Variants in ADAP1 observed in about 807,000 individuals in gnomAD.
The protein encoded by ADAP1 is ArfGAP with dual PH domains 1.
ADAP1 carries 31 observed loss-of-function variants against 54.9 expected under a neutral mutation model. That is an observed-to-expected ratio of 0.56 (90% confidence interval 0.42 to 0.76). The LOEUF is 0.76. ADAP1 is among the 30% of genes least tolerant of loss of function. The pLI, the probability that ADAP1 is intolerant of heterozygous loss-of-function variation, is 0.00. For synonymous variants in ADAP1, 313 were observed against 202.6 expected (o/e 1.55, Z -4.63); for missense variants, 535 against 512.4 (o/e 1.04, Z -0.42).
intron 2 of ADAP1, among the ~76,000 whole-genome samples, chr7:934,506 T>C (rs1005935561): frequency 2.6e-5 from 4 of 152,048 alleles, no homozygotes; most frequent in African/African-American, 4.8e-5. Context: ...CTCACCTCCA[T>C]GCGGCCCTTC....
chr7:927,824 C>T (rs1846438621), intron 2 of ADAP1, among the ~76,000 whole-genome samples: 1 of 152,030 alleles, frequency 6.6e-6, no homozygotes, highest in African/African-American at 2.4e-5. Context: ...AAAATGTCTC[C>T]TTATGGGAGT....
At position 898,874 on chromosome 7, in the gene ADAP1, G is replaced by A. The variant is rs200923231; in HGVS notation, c.*47C>T. ...GCCCCCCCATCCACGGGTCCCCTCC[G>A]TCCAGCCACAGTGAGTCCAATGTCC... On this transcript the variant is annotated 3_prime_UTR_variant, in exon 11 of 11. Transcript: ENST00000265846. 279 of 1,568,734 alleles carry A rather than the reference G, an allele frequency of 1.8e-4. No individual in the cohort carries two copies. In the East Asian group the frequency reaches 2.6e-3, roughly 15 times the overall value.
chr7:954,178 C>A (rs1308601568), intron 1 of ADAP1, among the ~76,000 whole-genome samples: 1 of 151,576 alleles, frequency 6.6e-6, no homozygotes, highest in Admixed American at 6.6e-5. Flanking sequence ...TGGGGGGGGC[C>A]CCCCCGCTGC....
In ADAP1 at chr7:905,146, G is replaced by A. The variant is rs760068363; in HGVS notation, c.415C>T (p.Arg139Cys). The stretch of plus-strand genomic sequence containing the variant: ...AAAAACTGCCCGTTGTCCCGGCCAC[G>A]CTTCCAGAGAAAACCCTCACGGTAC... ...AGYREGFLWK[R>C]GRDNGQFLSR... Residue 139 changes from arginine (R) to cysteine (C), a missense_variant, in exon 5 of 11, where the codon CGT becomes TGT. Arg to Cys is a radical substitution (Grantham distance 180). Transcript: ENST00000265846. 2.5e-5 allele frequency: 40 copies of A among 1,612,066 alleles called. No individual in the cohort carries two copies. The highest frequency in any genetic ancestry group is 3.0e-5 in the Non-Finnish European group (35 of 1,179,908).
rs1375032463 is a variant in ADAP1, at chr7:898,689, G to A, written c.*232C>T. 1.0e-5 allele frequency: 6 copies of A among 600,914 alleles called. No individual in the cohort carries two copies. The East Asian group carries it at 1.1e-4, about 11-fold the overall frequency. 37.2% of individuals were successfully genotyped at this position (600,914 alleles called of 1,614,324 possible). A position where few individuals can be genotyped will look rare whatever the true frequency, so the allele number is the denominator to read the frequency against. ...GGGAGGGGCAGGTTGGCTGGGTGTG[G>A]TCAGCAGCAGCATGACGGGGTTAGA... On this transcript the variant is annotated 3_prime_UTR_variant, in exon 11 of 11. Transcript: ENST00000265846.
At chr7:944,183 C>G (rs913066999) in intron 1 of ADAP1, among the ~76,000 whole-genome samples, 7 of 152,030 alleles carry the variant, frequency 4.6e-5, no homozygotes, top group Admixed American at 2.6e-4. Flanking sequence ...TCCCAAAGTG[C>G]TGGGATTACA....
chr7:904,943 CGGGG>C lies in ADAP1; in HGVS notation c.501+113_501+116del, dbSNP rs151134913. Reference sequence around the variant, plus strand: ...GCCGGTTCTCCTGGAGCGTCCCCATCGGGGGGGGCAGCAGGGAGGGCAGCTGCGG... The same window carrying C: ...GCCGGTTCTCCTGGAGCGTCCCCATCGGGGCAGCAGGGAGGGCAGCTGCGG... On this transcript the variant is annotated intron_variant, in intron 5 of 10. Coordinates refer to ENST00000265846, the MANE Select transcript of ADAP1 (RefSeq NM_006869.4). The C allele has an allele frequency of 5.6e-5, 48 of 854,110 alleles. 1 individual carries two copies. The highest frequency in any genetic ancestry group is 3.5e-4 in the South Asian group (23 of 66,242). 52.9% of individuals were successfully genotyped at this position (854,110 alleles called of 1,614,324 possible). A position where few individuals can be genotyped will look rare whatever the true frequency, so the allele number is the denominator to read the frequency against.
At chr7:951,773 G>A (rs969546007) in intron 1 of ADAP1, among the ~76,000 whole-genome samples, 4 of 152,152 alleles carry the variant, frequency 2.6e-5, no homozygotes, top group East Asian at 1.9e-4. Context: ...CAGTCCTTCC[G>A]GGGCATCAGA....
At chr7:907,474 C>T (rs1048958024) in intron 4 of ADAP1, among the ~76,000 whole-genome samples, 4 of 152,274 alleles carry the variant, frequency 2.6e-5, no homozygotes, top group African/African-American at 9.6e-5. Context: ...CGTCCTGGAG[C>T]TCTGCCAGAG....
Position 900,621 on chromosome 7 carries a change from G to GGGCAGAGGCA in ADAP1, c.649-6_649-5insTGCCTCTGCC. Reference sequence around the variant, plus strand: ...ATTGAACCAGTCCACAATCTCCTAGGGGCAAAGGTGGGCACAGGCTTGGGC... The same window carrying GGGCAGAGGCA: ...ATTGAACCAGTCCACAATCTCCTAGGGGCAGAGGCAGGCAAAGGTGGGCACAGGCTTGGGC... On this transcript the variant is annotated splice_polypyrimidine_tract_variant and splice_region_variant and intron_variant, in intron 6 of 10. Coordinates refer to ENST00000265846, the MANE Select transcript of ADAP1 (RefSeq NM_006869.4). The GGGCAGAGGCA allele has an allele frequency of 6.3e-7, 1 of 1,587,220 alleles. No homozygotes were observed. Among genetic ancestry groups the GGGCAGAGGCA allele is most frequent in the Non-Finnish European group, 8.5e-7 (1 of 1,170,936 alleles).
Position 927,121 on chromosome 7 carries a change from C to T in ADAP1, c.214-477G>A, listed in dbSNP as rs1260871538. On this transcript the variant is annotated intron_variant, in intron 2 of 10. Coordinates refer to ENST00000265846, the MANE Select transcript of ADAP1 (RefSeq NM_006869.4). ...GAGATGGGCTGGTGAGCGAGAGACC[C>T]AGATGTGGCTAGGACAGAGTCTCTG... 2.3e-6 allele frequency: 3 copies of T among 1,303,978 alleles called. No individual in the cohort carries two copies. In the Admixed American group the frequency reaches 6.9e-5, roughly 30 times the overall value. The allele number at this position is 1,303,978 out of a possible 1,614,324, so 80.8% of individuals were successfully genotyped here.
rs995385719 is a variant in ADAP1, at chr7:952,693, G to C, written c.82+1703C>G. Reference sequence around the variant, plus strand: ...GCAAGGCATCAGTCTCCCTGGCTGTGAAATGAGAGTGACCCCTCACAGCAT... The same window carrying C: ...GCAAGGCATCAGTCTCCCTGGCTGTCAAATGAGAGTGACCCCTCACAGCAT... On this transcript the variant is annotated intron_variant, in intron 1 of 10. Coordinates refer to ENST00000265846, the MANE Select transcript of ADAP1 (RefSeq NM_006869.4). 1.3e-4 allele frequency among the ~76,000 whole-genome samples: 20 copies of C among 152,174 alleles called. 1 individual carries two copies. The highest frequency in any genetic ancestry group is 2.4e-5 in the African/African-American group (1 of 41,444).
At chr7:901,854 G>GC (rs1199757320) in intron 6 of ADAP1, among the ~76,000 whole-genome samples, 2 of 143,992 alleles carry the variant, frequency 1.4e-5, no homozygotes, top group Non-Finnish European at 3.0e-5. Flanking sequence ...ACACCACACT[G>GC]CCCCAAAGGC....
rs753993802 is a variant in ADAP1, at chr7:899,495, G to T, written c.796-5C>A. ...CTTCCGGAAGCCTTCCGTTTGCTGT[G>T]GGTCAGAGAGGGCCCGTGACCGGCA... On this transcript the variant is annotated splice_region_variant and splice_polypyrimidine_tract_variant and intron_variant, in intron 8 of 10. Coordinates refer to ENST00000265846, the MANE Select transcript of ADAP1 (RefSeq NM_006869.4). 6.2e-7 allele frequency: 1 copy of T among 1,612,464 alleles called. No homozygotes were observed. The highest frequency in any genetic ancestry group is 1.1e-5 in the South Asian group (1 of 90,990).
intron 4 of ADAP1, among the ~76,000 whole-genome samples, chr7:909,960 G>A (rs1359497577): frequency 6.6e-6 from 1 of 152,226 alleles, no homozygotes; most frequent in Admixed American, 6.5e-5. Context: ...CACACCCCAT[G>A]CCCTGCTCAG....
rs373754643 is a variant in ADAP1 at position 942,016 on chromosome 7, C to T, written c.83-6511G>A. On this transcript the variant is annotated intron_variant, in intron 1 of 10. Transcript: ENST00000265846. ...CACACATATGTGGACAACTAATTATCGGCAAAGATATAAAGCCAGTTCTGG... is the reference window on the plus strand; with the variant it reads ...CACACATATGTGGACAACTAATTATTGGCAAAGATATAAAGCCAGTTCTGG... Among the ~76,000 whole-genome samples, 8 of 152,210 alleles carry T rather than the reference C, an allele frequency of 5.3e-5. No individual in the cohort carries two copies. In the East Asian group the frequency reaches 7.7e-4, roughly 15 times the overall value.
intron 3 of ADAP1, among the ~76,000 whole-genome samples, chr7:925,377 A>G (rs1341354505): frequency 1.3e-5 from 2 of 150,390 alleles, no homozygotes; most frequent in African/African-American, 4.9e-5. Context: ...AAAAAAAAAA[A>G]AAAAAAGGCC....
intron 5 of ADAP1, 48 bp downstream of exon 5, chr7:905,012 G>T: frequency 6.4e-7 from 1 of 1,550,808 alleles, no homozygotes; most frequent in Non-Finnish European, 8.8e-7. Context: ...GGGAGGCCGG[G>T]ATGCCGCCCT....
rs771276749 is a variant in ADAP1 at position 899,165 on chromosome 7, G to T, written c.964C>A (p.Pro322Thr). ...GGCGTGACGATGGTGATGCCATGTGGCCAGTGGTGGCCCTGGGTGGACGGC... is the reference window on the plus strand; with the variant it reads ...GGCGTGACGATGGTGATGCCATGTGTCCAGTGGTGGCCCTGGGTGGACGGC... The part of the protein sequence containing the change: ...FPPSTQGHHW[P>T]HGITIVTPDR... Residue 322 changes from proline to threonine, a missense_variant, in exon 10 of 11, where the codon CCA (proline) becomes ACA (threonine). Physicochemically the swap from Pro to Thr is conservative, Grantham distance 38 (BLOSUM62 -1). Coordinates refer to ENST00000265846, the MANE Select transcript of ADAP1 (RefSeq NM_006869.4). 2 of 1,611,820 alleles carry T rather than the reference G, an allele frequency of 1.2e-6. No individual in the cohort carries two copies. The highest frequency in any genetic ancestry group is 2.2e-5 in the South Asian group (2 of 91,090).
Sources: gnomAD v4.1 joint callset for allele counts (sites outside exome capture counted in the v4.1 genomes callset) on GRCh38, gnomAD v4.1.1 for gene constraint, MANE v1.5 for transcripts, NCBI Gene and HGNC (gene_info 2026-07-23, HGNC 2026-07-21) for gene names.